The following NADK variants were observed in gnomAD, a reference collection of about 807,000 sequenced individuals.
NADK encodes the protein NAD kinase.
NADK carries 22 observed loss-of-function variants against 49.8 expected under a neutral mutation model. The ratio of observed to expected loss-of-function variants is 0.44; its 90% CI spans 0.32 to 0.63. The LOEUF is 0.63. Among genes scored for constraint, NADK ranks in the 30% least tolerant of loss-of-function variants. The probability of loss-of-function intolerance (pLI) is 0.06; values close to 1 mark genes in which losing one functional copy is unlikely to be tolerated. For synonymous variants in NADK, 268 were observed against 253.7 expected, an observed-to-expected ratio of 1.06 and a Z score of -0.54; for missense variants, 438 against 609.4, an observed-to-expected ratio of 0.72 and a Z score of 2.96.
chr1:1,776,572 G>C (rs1316666969), intron 1 of NADK, among the ~76,000 whole-genome samples: 2 of 152,008 alleles, frequency 1.3e-5, no homozygotes, highest in East Asian at 3.9e-4. Flanking sequence ...TCAGGAGTTC[G>C]AGACAAGCCT....
At chr1:1,762,407 T>C (rs1198414736) in intron 2 of NADK, among the ~76,000 whole-genome samples, 3 of 152,212 alleles carry the variant, frequency 2.0e-5, no homozygotes, top group Non-Finnish European at 4.4e-5. Context: ...ATCTCATCTC[T>C]AAATCGTCTA....
At chr1:1,773,888 C>A (rs1171324118) in intron 1 of NADK, among the ~76,000 whole-genome samples, 1 of 152,034 alleles carries the variant, frequency 6.6e-6, no homozygotes, top group Non-Finnish European at 1.5e-5. Context: ...GCATGAGCCA[C>A]TATGTCCAGC....
chr1:1,760,336 G>A (rs1056696424), intron 3 of NADK, among the ~76,000 whole-genome samples: 7 of 152,194 alleles, frequency 4.6e-5, no homozygotes, highest in African/African-American at 9.6e-5. Context: ...CTCCGTCAGC[G>A]TCTGGAGCAG....
At chr1:1,766,501 G>T (rs1169730054) in intron 1 of NADK, among the ~76,000 whole-genome samples, 1 of 143,084 alleles carries the variant, frequency 7.0e-6, no homozygotes, top group African/African-American at 2.5e-5. Context: ...GAGAGAAAGT[G>T]TGCAATTTCA....
In NADK at chr1:1,754,027, A is replaced by C. The variant is rs771836898; in HGVS notation, c.1101+24T>G. The C allele has an allele frequency of 1.0e-5, 16 of 1,549,560 alleles. No individual in the cohort carries two copies. The highest frequency in any genetic ancestry group is 1.3e-5 in the Non-Finnish European group (15 of 1,148,654). On this transcript the variant is annotated intron_variant, in intron 10 of 11. Transcript: ENST00000341426. This position sits in a 1 kb window ranked among gnomAD's most constrained non-coding sequence, Gnocchi z 4.3. Reference sequence around the variant, plus strand: ...CGGGGTCAAATGACTCACAAACCGGAAAAGGAGTGTCGTTGGCTCTGACCT... The same window carrying C: ...CGGGGTCAAATGACTCACAAACCGGCAAAGGAGTGTCGTTGGCTCTGACCT...
chr1:1,766,988 C>A (rs1359355294), intron 1 of NADK, among the ~76,000 whole-genome samples: 3 of 151,938 alleles, frequency 2.0e-5, no homozygotes, highest in African/African-American at 7.3e-5. Flanking sequence ...GATCGCAGCT[C>A]ACTGCAACGT....
intron 1 of NADK, among the ~76,000 whole-genome samples, chr1:1,768,967 C>T (rs1219414583): frequency 6.6e-6 from 1 of 152,228 alleles, no homozygotes; most frequent in Non-Finnish European, 1.5e-5. Context: ...ACCTTAGGAG[C>T]TTCAAACAAC....
At chr1:1,768,713 C>T (rs1645959495) in intron 1 of NADK, among the ~76,000 whole-genome samples, 1 of 152,224 alleles carries the variant, frequency 6.6e-6, no homozygotes, top group African/African-American at 2.4e-5. Context: ...ACCTTGGACT[C>T]TTGGCCTCCA....
intron 1 of NADK, among the ~76,000 whole-genome samples, 179 bp from the exon 2 acceptor site, chr1:1,765,625 T>C (rs552054213): frequency 6.6e-6 from 1 of 152,288 alleles, no homozygotes; most frequent in African/African-American, 2.4e-5. Context: ...CTACTCTAGG[T>C]TTTTGGCTGG....
chr1:1,759,847 A>C lies in NADK; in HGVS notation c.263+2105T>G, dbSNP rs748772153. The C allele has an allele frequency of 1.1e-4, 173 of 1,550,984 alleles. No homozygotes were observed. In the East Asian group the frequency reaches 4.2e-3, roughly 37 times the overall value. ...TGTCCGGTGACCCCGCCCTGGCCCG[A>C]GTGACTGACGGCTGGTGAAGGCAGC... On this transcript the variant is annotated intron_variant, in intron 3 of 11. Transcript: ENST00000341426.
rs1015720948 is a variant in NADK at position 1,757,106 on chromosome 1, C to T, written c.393+75G>A. 32 of 1,541,462 alleles carry T rather than the reference C, an allele frequency of 2.1e-5. 1 individual carries two copies. Among genetic ancestry groups the T allele is most frequent in the East Asian group, 9.8e-5 (4 of 40,900 alleles). On this transcript the variant is annotated intron_variant, in intron 4 of 11. Transcript: ENST00000341426. ...ACTTGAGGTGGTTCCCATGGTCTCA[C>T]GGGGCGGTGATGTGGATGGAGGCCC...
intron 4 of NADK, 59 bp downstream of exon 4, chr1:1,757,122 A>T (rs946180840): frequency 2.6e-6 from 4 of 1,545,880 alleles, no homozygotes; most frequent in Non-Finnish European, 3.5e-6. Flanking sequence ...GGTGATGTGG[A>T]TGGAGGCCCC....
In NADK at chr1:1,752,872, C is replaced by T. The variant is rs148074846; in HGVS notation, c.*32G>A. The T allele has an allele frequency of 1.9e-4, 300 of 1,597,854 alleles. 1 individual carries two copies. The East Asian group carries it at 5.9e-3, about 32-fold the overall frequency. On this transcript the variant is annotated 3_prime_UTR_variant, in exon 12 of 12. Coordinates refer to ENST00000341426, the MANE Select transcript of NADK (RefSeq NM_023018.5). The stretch of plus-strand genomic sequence containing the variant: ...TCCCCAGAGGGCGCTTGGAGGGCAG[C>T]GGAAGGATTCGGGCCTGGATAGGGG...
At chr1:1,774,961 T>C (rs1356493786) in intron 1 of NADK, among the ~76,000 whole-genome samples, 1 of 151,668 alleles carries the variant, frequency 6.6e-6, no homozygotes, top group Non-Finnish European at 1.5e-5. Flanking sequence ...CAAAAAAAAT[T>C]AGCTGGGCGC....
In NADK at chr1:1,752,665, T is replaced by A. The variant is rs1316174598; in HGVS notation, c.*239A>T. 1 of 451,128 alleles carries A rather than the reference T, an allele frequency of 2.2e-6. No individual in the cohort carries two copies. The highest frequency in any genetic ancestry group is 4.0e-5 in the Admixed American group (1 of 25,158). The allele number at this position is 451,128 out of a possible 1,614,324, so 27.9% of individuals were successfully genotyped here. A position where few individuals can be genotyped will look rare whatever the true frequency, so the allele number is the denominator to read the frequency against. Reference sequence around the variant, plus strand: ...CGCTCCAGGGACCCACCGCGGGGTGTCAGCAGGACAGAAGCACTCCCAGCC... The same window carrying A: ...CGCTCCAGGGACCCACCGCGGGGTGACAGCAGGACAGAAGCACTCCCAGCC... On this transcript the variant is annotated 3_prime_UTR_variant, in exon 12 of 12. Transcript: ENST00000341426.
chr1:1,779,929 G>A (rs572121941), upstream of NADK: 3 of 152,354 alleles, frequency 2.0e-5, no homozygotes, highest in East Asian at 5.8e-4. Context: ...GGACTCCTGG[G>A]ACTTGAATCC....
In NADK at chr1:1,754,008, C is replaced by A; in HGVS notation, c.1101+43G>T. 1 of 1,535,320 alleles carries A rather than the reference C, an allele frequency of 6.5e-7. No individual in the cohort carries two copies. ...GTCCCGGCTTTGTGTTGCACGGGGT[C>A]AAATGACTCACAAACCGGAAAAGGA... On this transcript the variant is annotated intron_variant, in intron 10 of 11. Transcript: ENST00000341426. This position sits in a 1 kb window ranked among gnomAD's most constrained non-coding sequence, Gnocchi z 4.3.
chr1:1,752,916 C>CTCA lies in NADK; in HGVS notation c.1328_1329insTGA (p.Glu442_Glu443insAsp), dbSNP rs2100262436. 1 of 1,593,530 alleles carries CTCA rather than the reference C, an allele frequency of 6.3e-7. No individual in the cohort carries two copies. The highest frequency in any genetic ancestry group is 8.6e-7 in the Non-Finnish European group (1 of 1,168,966). The stretch of plus-strand genomic sequence containing the variant: ...ATAGGGGCTTGACCTAGCCCTCCTC[C>CTCA]TCCTCCTCCTCCTCCTCCTCGAAGT... On this transcript the variant is annotated inframe_insertion, in exon 12 of 12. Transcript: ENST00000341426.
At chr1:1,758,565 G>T in intron 3 of NADK, 1 of 1,545,776 alleles carries the variant, frequency 6.5e-7, no homozygotes, top group Admixed American at 1.9e-5. Context: ...CACACTAGAA[G>T]CCTAAGCTCT....
Sources: gnomAD v4.1 joint callset for allele counts (sites outside exome capture counted in the v4.1 genomes callset) on GRCh38, gnomAD v4.1.1 for gene constraint, Gnocchi (gnomAD v3.1) non-coding constraint, MANE v1.5 for transcripts, NCBI Gene and HGNC (gene_info 2026-07-23, HGNC 2026-07-21) for gene names.